The following FA2H variants were observed in gnomAD, a reference collection of about 807,000 sequenced individuals.
FA2H encodes the protein fatty acid 2-hydroxylase, also known as fatty acid alpha-hydroxylase.
A neutral mutation model predicts 44.9 loss-of-function variants in FA2H; 22 were observed. That is an observed-to-expected ratio of 0.49 (90% CI 0.35 to 0.70). The LOEUF (loss-of-function observed/expected upper bound fraction) is 0.70, where lower values mean the gene tolerates loss of function less well. FA2H is among the 30% of genes least tolerant of loss of function. The pLI is 0.01. For synonymous variants in FA2H, 243 were observed against 213.2 expected, an observed-to-expected ratio of 1.14 and a Z score of -1.22; for missense variants, 501 against 504.9, an observed-to-expected ratio of 0.99 and a Z score of 0.07.
intron 5 of FA2H, among the ~76,000 whole-genome samples, chr16:74,718,087 C>T (rs943795553): frequency 3.9e-5 from 6 of 152,098 alleles, no homozygotes; most frequent in African/African-American, 7.2e-5. Context: ...TGGGGAGAGC[C>T]GGGAGGACCA....
chr16:74,768,058 A>G (rs186259232), intron 1 of FA2H, among the ~76,000 whole-genome samples: 5 of 152,322 alleles, frequency 3.3e-5, no homozygotes, highest in Admixed American at 2.0e-4. Flanking sequence ...ACCTGTCTAA[A>G]TAAATGAAGA....
chr16:74,762,538 A>G (rs1268678334), intron 1 of FA2H, among the ~76,000 whole-genome samples: 1 of 151,816 alleles, frequency 6.6e-6, no homozygotes, highest in African/African-American at 2.4e-5. Context: ...AGAATAGAGT[A>G]ACTTTTTTTC....
At chr16:74,718,929 C>T in intron 5 of FA2H, 59 bp downstream of exon 5, 2 of 1,594,760 alleles carry the variant, frequency 1.3e-6, no homozygotes, top group Non-Finnish European at 1.7e-6. Flanking sequence ...CTGCGGCTGG[C>T]TGCCGGGCCC....
At chr16:74,751,083 C>T (rs935498364) in intron 1 of FA2H, among the ~76,000 whole-genome samples, 4 of 151,412 alleles carry the variant, frequency 2.6e-5, no homozygotes, top group Admixed American at 2.6e-4. Flanking sequence ...GTGCCTGGTC[C>T]CACTGTACAT....
At chr16:74,726,365 T>C (rs1961956149) in intron 3 of FA2H, 34 bp from the exon 4 acceptor site, 3 of 1,333,246 alleles carry the variant, frequency 2.3e-6, no homozygotes, top group Non-Finnish European at 3.2e-6. Context: ...GAGAGATACA[T>C]GCACAGGAGC....
At chr16:74,716,824 C>A in intron 5 of FA2H, 44 of 343,546 alleles carry the variant, frequency 1.3e-4, no homozygotes, top group Middle Eastern at 9.8e-4. Flanking sequence ...TGGCAGATTG[C>A]AAAGGAACAT....
chr16:74,730,195 A>G (rs1567638660), intron 2 of FA2H, among the ~76,000 whole-genome samples: 1 of 152,030 alleles, frequency 6.6e-6, no homozygotes, highest in Non-Finnish European at 1.5e-5. Context: ...CAAGCAGGCA[A>G]GGCCACTGGG....
chr16:74,723,864 T>C (rs1369380112), intron 4 of FA2H, among the ~76,000 whole-genome samples: 1 of 152,070 alleles, frequency 6.6e-6, no homozygotes, highest in Non-Finnish European at 1.5e-5. Flanking sequence ...TCTGATTATA[T>C]GATGAGTATA....
intron 2 of FA2H, among the ~76,000 whole-genome samples, chr16:74,738,306 G>A (rs1040580000): frequency 3.3e-5 from 5 of 152,138 alleles, no homozygotes; most frequent in African/African-American, 4.8e-5. Flanking sequence ...GGGGGAGGAG[G>A]GGCCCCTCGT....
At chr16:74,716,698 C>T in intron 5 of FA2H, 99 bp from the exon 6 acceptor site, 13 of 1,373,408 alleles carry the variant, frequency 9.5e-6, no homozygotes, top group Non-Finnish European at 1.2e-5. Context: ...CACAGCGGCC[C>T]AGACATTCCA....
chr16:74,746,055 C>T (rs1962416943), intron 1 of FA2H, among the ~76,000 whole-genome samples: 1 of 152,056 alleles, frequency 6.6e-6, no homozygotes, highest in African/African-American at 2.4e-5. Context: ...AATCTGCCCG[C>T]CTCGGCCTCC....
At chr16:74,745,410 A>C (rs1383270547) in intron 1 of FA2H, among the ~76,000 whole-genome samples, 1 of 152,178 alleles carries the variant, frequency 6.6e-6, no homozygotes, top group Non-Finnish European at 1.5e-5. Flanking sequence ...AGCCCTCCCC[A>C]ACCCCCTGCC....
intron 5 of FA2H, among the ~76,000 whole-genome samples, chr16:74,718,701 CTGAA>C (rs1162973844): frequency 6.6e-6 from 1 of 152,222 alleles, no homozygotes. Context: ...TGGGCATTTG[CTGAA>C]TGAATGAACG....
intron 1 of FA2H, among the ~76,000 whole-genome samples, chr16:74,773,421 T>C (rs1962945482): frequency 6.6e-6 from 1 of 152,196 alleles, no homozygotes; most frequent in Non-Finnish European, 1.5e-5. Flanking sequence ...AAGGATCCAC[T>C]GAGGGTCTTG....
intron 2 of FA2H, among the ~76,000 whole-genome samples, chr16:74,728,171 C>G (rs558597515): frequency 3.3e-5 from 5 of 152,190 alleles, no homozygotes; most frequent in Non-Finnish European, 7.3e-5. Flanking sequence ...TGCCTGTAAA[C>G]CCTGCATTTT....
chr16:74,727,469 A>C, intron 2 of FA2H, 83 bp from the exon 3 acceptor site: 2 of 1,433,712 alleles, frequency 1.4e-6, no homozygotes, highest in Non-Finnish European at 2.0e-6. Context: ...CAGCATCCCA[A>C]TCCCCTGCTC....
chr16:74,731,625 A>G (rs1307221519), intron 2 of FA2H, among the ~76,000 whole-genome samples: 2 of 150,636 alleles, frequency 1.3e-5, no homozygotes, highest in South Asian at 2.1e-4. Flanking sequence ...AGATCAAATA[A>G]TCCTCCCGCC....
At chr16:74,720,162 CAT>C (rs56239383) in intron 4 of FA2H, among the ~76,000 whole-genome samples, 110,485 of 132,282 alleles carry the variant, frequency 0.84, 46,241 homozygotes, top group Middle Eastern at 0.9. Flanking sequence ...CTGTTTGCTC[CAT>C]ATATTCATCC....
intron 4 of FA2H, among the ~76,000 whole-genome samples, chr16:74,722,289 A>G (rs1341390100): frequency 2.6e-5 from 4 of 152,104 alleles, no homozygotes; most frequent in Non-Finnish European, 5.9e-5. Context: ...TAATCCCAGC[A>G]CTTTGAGAGG....
Sources: allele counts gnomAD v4.1 joint callset (sites outside exome capture counted in the v4.1 genomes callset), GRCh38; gene constraint gnomAD v4.1.1; transcripts MANE v1.5; gene names NCBI Gene and HGNC (gene_info 2026-07-23, HGNC 2026-07-21).